ABL2: variants seen among roughly 807,000 people sequenced by gnomAD.
The protein encoded by ABL2 is ABL proto-oncogene 2, non-receptor tyrosine kinase, also known as tyrosine-protein kinase ABL2.
Under a neutral mutation model 107.7 loss-of-function variants are expected in ABL2, and 49 were observed. The ratio of observed to expected loss-of-function variants is 0.45; its 90% CI spans 0.36 to 0.58. The LOEUF is 0.58. Ranked by LOEUF, ABL2 falls within the 20% of genes least tolerant of loss-of-function variation. The pLI is 0.00. For missense variants in ABL2, 1,245 were observed against 1,457.0 expected (o/e 0.85, Z 2.37); for synonymous variants, 549 against 548.6 (o/e 1.00, Z -0.01).
chr1:179,131,556 A>G (rs979965954), intron 2 of ABL2, 75 bp from the exon 3 acceptor site: 77 of 1,463,160 alleles, frequency 5.3e-5, no homozygotes, highest in Non-Finnish European at 7.0e-5. Context: ...CATTATATAC[A>G]CAGTATTTCA....
intron 1 of ABL2, among the ~76,000 whole-genome samples, chr1:179,207,172 T>C (rs545187742): frequency 2.0e-5 from 3 of 151,984 alleles, no homozygotes; most frequent in Admixed American, 6.6e-5. Flanking sequence ...TTCTTTCTTT[T>C]TTTTTTTTTT....
intron 1 of ABL2, among the ~76,000 whole-genome samples, chr1:179,189,615 C>T (rs1271956113): frequency 4.6e-5 from 7 of 152,118 alleles, no homozygotes; most frequent in Non-Finnish European, 5.9e-5. Context: ...AGCTACCAAA[C>T]GGTAAGAGGA....
intron 8 of ABL2, chr1:179,116,941 C>T: frequency 3.7e-6 from 1 of 266,864 alleles, no homozygotes; most frequent in South Asian, 4.6e-5. Context: ...CAAGCAACTC[C>T]CCTGCCTCAG....
chr1:179,126,285 A>C lies in ABL2; in HGVS notation c.687+92T>G, dbSNP rs559334257. 1 of 1,390,360 alleles carries C rather than the reference A, an allele frequency of 7.2e-7. No individual in the cohort carries two copies. The highest frequency in any genetic ancestry group is 1.4e-5 in the African/African-American group (1 of 70,362). 86.1% of individuals were successfully genotyped at this position (1,390,360 alleles called of 1,614,324 possible). Reference sequence around the variant, plus strand: ...TAGTGAATATTTTATTTCACGTCAGACATAAAATCTATTATTTCACTTCAA... The same window carrying C: ...TAGTGAATATTTTATTTCACGTCAGCCATAAAATCTATTATTTCACTTCAA... On this transcript the variant is annotated intron_variant, in intron 4 of 11. Transcript: ENST00000502732. The surrounding 1 kb of genome is among the most constrained non-coding windows in gnomAD (Gnocchi z 4.4).
chr1:179,115,548 T>C (rs1447263499), intron 8 of ABL2, among the ~76,000 whole-genome samples: 2 of 152,142 alleles, frequency 1.3e-5, no homozygotes, highest in East Asian at 3.8e-4. Flanking sequence ...ACATAAATCA[T>C]CCTTTTACTC....
chr1:179,110,562 C>A (rs1653955495), intron 10 of ABL2, 107 bp from the exon 11 acceptor site: 1 of 1,513,482 alleles, frequency 6.6e-7, no homozygotes. Flanking sequence ...AAGTAGAGTA[C>A]TAAAATACAT....
intron 1 of ABL2, among the ~76,000 whole-genome samples, chr1:179,169,879 A>T (rs1211319222): frequency 6.6e-6 from 1 of 152,036 alleles, no homozygotes; most frequent in Admixed American, 6.6e-5. Flanking sequence ...ACATTAAAAA[A>T]TTGGCTGGGC....
chr1:179,120,302 GA>G, intron 5 of ABL2, 28 bp from the exon 6 acceptor site: 1 of 1,441,596 alleles, frequency 6.9e-7, no homozygotes, highest in Non-Finnish European at 9.7e-7. Context: ...TAAGAAAGAA[GA>G]AAACGAGAGG....
At chr1:179,160,286 G>A (rs1387642986) in intron 1 of ABL2, among the ~76,000 whole-genome samples, 1 of 151,978 alleles carries the variant, frequency 6.6e-6, no homozygotes, top group East Asian at 1.9e-4. Flanking sequence ...GGCTGAGGCA[G>A]GAGGATCACC....
At position 179,107,816 on chromosome 1, in the gene ABL2, G is replaced by A. The variant is rs758213320; in HGVS notation, c.3451C>T (p.Gln1151Ter). 6.2e-7 allele frequency: 1 copy of A among 1,614,096 alleles called. No homozygotes were observed. Among genetic ancestry groups the A allele is most frequent in the Non-Finnish European group, 8.5e-7 (1 of 1,180,044 alleles). ...ACACCAGCAGCTGCTGAAGAAACCT[G>A]TAGCTCCTGCAGGCTGAGTTCCAGT... ...SKLELSLQEL[Q>*]VSSAAAGVPG... The change falls in exon 12 of 12, where the codon CAG becomes TAG. Residue 1151 changes from glutamine to a stop codon, truncating the protein, a stop_gained. Transcript: ENST00000502732. LOFTEE classifies it high-confidence loss of function.
At chr1:179,180,271 T>C (rs143193353) in intron 1 of ABL2, among the ~76,000 whole-genome samples, 252 of 152,294 alleles carry the variant, frequency 1.7e-3, no homozygotes, top group Non-Finnish European at 3.0e-3. Context: ...ATGAAAGCTT[T>C]GGATGCTCTG....
intron 7 of ABL2, among the ~76,000 whole-genome samples, chr1:179,118,103 A>G (rs921314626): frequency 6.6e-6 from 1 of 151,996 alleles, no homozygotes; most frequent in Admixed American, 6.6e-5. Flanking sequence ...CAGTAAGCTA[A>G]GATCGCATCA....
Position 179,135,405 on chromosome 1 carries a change from C to T in ABL2, c.158-2031G>A, listed in dbSNP as rs567018617. The stretch of plus-strand genomic sequence containing the variant: ...GCCACCCCGTCCGGGATGTGAGAAG[C>T]GTCTCTGCCCGGCCGCCCCGTCTGA... On this transcript the variant is annotated intron_variant, in intron 1 of 11. Transcript: ENST00000502732. Among the ~76,000 whole-genome samples the T allele has an allele frequency of 2.4e-3, 368 of 150,974 alleles. 5 individuals are homozygous for T. Among genetic ancestry groups the T allele is most frequent in the African/African-American group, 8.6e-3 (353 of 41,062 alleles).
Position 179,103,345 on chromosome 1 carries a change from T to A in ABL2, c.*4373A>T, listed in dbSNP as rs184431230. The A allele has an allele frequency of 1.0e-4, 21 of 205,510 alleles. No individual in the cohort carries two copies. The East Asian group carries it at 1.5e-3, about 15-fold the overall frequency. The allele number at this position is 205,510 out of a possible 1,614,324, so 12.7% of individuals were successfully genotyped here. A position where few individuals can be genotyped will look rare whatever the true frequency, so the allele number is the denominator to read the frequency against. On this transcript the variant is annotated 3_prime_UTR_variant, in exon 12 of 12. Transcript: ENST00000502732. The stretch of plus-strand genomic sequence containing the variant: ...AGGTACCCCACAGGGTCCATCCACA[T>A]TGAATCAACTGTCTTATCTTTTAAA...
At chr1:179,214,503 AAC>A (rs1662450014) in intron 1 of ABL2, among the ~76,000 whole-genome samples, 1 of 132,204 alleles carries the variant, frequency 7.6e-6, no homozygotes, top group Non-Finnish European at 1.6e-5. Flanking sequence ...TCAATGGAAC[AAC>A]AGTTTTAAAA....
intron 1 of ABL2, among the ~76,000 whole-genome samples, chr1:179,141,294 G>GAA (rs964004304): frequency 6.9e-6 from 1 of 145,246 alleles, no homozygotes; most frequent in African/African-American, 2.5e-5. Context: ...CTGTCTTTAA[G>GAA]AAAAAAAAAA....
chr1:179,205,320 C>T (rs746477560), intron 1 of ABL2, among the ~76,000 whole-genome samples: 7 of 152,264 alleles, frequency 4.6e-5, no homozygotes, highest in African/African-American at 7.2e-5. Flanking sequence ...CCACTGCGCC[C>T]GGCCCATTAC....
rs900950865 is a variant in ABL2 at position 179,101,438 on chromosome 1, G to A, written c.*6280C>T. On this transcript the variant is annotated 3_prime_UTR_variant, in exon 12 of 12. Coordinates refer to ENST00000502732, the MANE Select transcript of ABL2 (RefSeq NM_007314.4). ...GTCACTTAGGCTGGAGTGCAGCGGC[G>A]CGATCTCAGCTCACTGCAACCTCCG... 2.3e-4 allele frequency: 40 copies of A among 177,554 alleles called. 1 individual carries two copies. The highest frequency in any genetic ancestry group is 4.0e-4 in the South Asian group (2 of 4,980). The allele number at this position is 177,554 out of a possible 1,614,324, so 11.0% of individuals were successfully genotyped here.
intron 1 of ABL2, among the ~76,000 whole-genome samples, chr1:179,198,380 G>A (rs1226902216): frequency 1.3e-5 from 2 of 151,962 alleles, no homozygotes; most frequent in African/African-American, 4.8e-5. Context: ...ACTATTTCAA[G>A]ATTAAAAAGT....
Sources: allele counts gnomAD v4.1 joint callset (sites outside exome capture counted in the v4.1 genomes callset), GRCh38; gene constraint gnomAD v4.1.1; non-coding constraint Gnocchi (gnomAD v3.1); transcripts MANE v1.5; gene names NCBI Gene and HGNC (gene_info 2026-07-23, HGNC 2026-07-21).